GLIS3: variants seen among roughly 807,000 people sequenced by gnomAD.
GLIS3 encodes the protein GLIS family zinc finger 3, also known as zinc finger protein GLIS3.
In GLIS3, 53 loss-of-function variants were observed where a neutral mutation model predicts 78.6. That is an observed-to-expected ratio of 0.67 (90% confidence interval 0.54 to 0.85). GLIS3 has a LOEUF of 0.85. GLIS3 is among the 40% of genes least tolerant of loss of function. The pLI is 0.00. For synonymous variants in GLIS3, 684 were observed against 509.9 expected, an observed-to-expected ratio of 1.34 and a Z score of -4.60; for missense variants, 1,703 against 1,231.1, an observed-to-expected ratio of 1.38 and a Z score of -5.74.
chr9:3,867,986 G>A (rs1820711470), intron 8 of GLIS3, among the ~76,000 whole-genome samples: 1 of 152,064 alleles, frequency 6.6e-6, no homozygotes, highest in African/African-American at 2.4e-5. Flanking sequence ...CCCCCAGAGG[G>A]GACACTACCA....
intron 4 of GLIS3, among the ~76,000 whole-genome samples, chr9:4,008,992 TGA>T (rs1387359399): frequency 2.0e-5 from 3 of 152,170 alleles, no homozygotes; most frequent in Non-Finnish European, 4.4e-5. Flanking sequence ...CTGCAGTGCA[TGA>T]GAGAGATGCA....
At chr9:4,398,219 T>G in the GLIS3 span, among the ~76,000 whole-genome samples, 18 of 77,494 alleles carry the variant, frequency 2.3e-4, no homozygotes, top group Middle Eastern at 0.019. Flanking sequence ...CTGAGGCATA[T>G]TTTTTTTAAT....
At chr9:3,866,794 G>T (rs1563792757) in intron 8 of GLIS3, among the ~76,000 whole-genome samples, 1 of 152,206 alleles carries the variant, frequency 6.6e-6, no homozygotes, top group African/African-American at 2.4e-5. Flanking sequence ...CCAGGGAGAG[G>T]TGTGAACATA....
At chr9:4,396,228 T>C in the GLIS3 span, among the ~76,000 whole-genome samples, 1 of 152,142 alleles carries the variant, frequency 6.6e-6, no homozygotes, top group Admixed American at 6.5e-5. Flanking sequence ...TTCTTCTGCC[T>C]CAGCTTCCCA....
At chr9:4,105,412 A>G (rs1260687499) in intron 4 of GLIS3, among the ~76,000 whole-genome samples, 1 of 152,138 alleles carries the variant, frequency 6.6e-6, no homozygotes, top group African/African-American at 2.4e-5. Context: ...TTTGGAACAC[A>G]ATGGACTTTA....
chr9:4,050,657 T>C (rs1339580289), intron 4 of GLIS3, among the ~76,000 whole-genome samples: 1 of 152,184 alleles, frequency 6.6e-6, no homozygotes, highest in South Asian at 2.1e-4. Context: ...ATGTGGAGTA[T>C]ATATCTCTGT....
chr9:4,243,147 C>A (rs1369735535), intron 2 of GLIS3, among the ~76,000 whole-genome samples: 1 of 152,176 alleles, frequency 6.6e-6, no homozygotes, highest in Non-Finnish European at 1.5e-5. Context: ...CCTAGGGAGA[C>A]TGACACCTTA....
At chr9:4,460,868 A>G in the GLIS3 span, among the ~76,000 whole-genome samples, 1 of 152,194 alleles carries the variant, frequency 6.6e-6, no homozygotes. Flanking sequence ...TTTAACGCCA[A>G]ATGAGCCCAA....
chr9:4,464,531 A>G, the GLIS3 span, among the ~76,000 whole-genome samples: 1 of 151,986 alleles, frequency 6.6e-6, no homozygotes, highest in Non-Finnish European at 1.5e-5. Flanking sequence ...AGCAGCTGGG[A>G]TTACAAGTGC....
intron 2 of GLIS3, among the ~76,000 whole-genome samples, chr9:4,126,289 A>G (rs912994974): frequency 1.2e-4 from 18 of 152,194 alleles, no homozygotes; most frequent in African/African-American, 4.3e-4. Flanking sequence ...GTTTTTTCCT[A>G]GAATAGCTAA....
chr9:3,838,163 G>C (rs1349021725), intron 9 of GLIS3, among the ~76,000 whole-genome samples: 4 of 152,172 alleles, frequency 2.6e-5, no homozygotes, highest in East Asian at 1.9e-4. Context: ...ACCTTGTCCA[G>C]TTTGTTAATT....
the GLIS3 span, among the ~76,000 whole-genome samples, chr9:4,384,717 C>G: frequency 3.9e-5 from 6 of 152,136 alleles, no homozygotes; most frequent in African/African-American, 1.4e-4. Flanking sequence ...ATTCCATTTC[C>G]TTTTTAAAAA....
chr9:3,899,586 CATA>C (rs1227161032), intron 6 of GLIS3, among the ~76,000 whole-genome samples: 3 of 150,790 alleles, frequency 2.0e-5, no homozygotes, highest in African/African-American at 7.3e-5. Flanking sequence ...TGTACAAAAA[CATA>C]ATACCTTAAA....
chr9:4,304,040 A>G (rs939102707), upstream of GLIS3, among the ~76,000 whole-genome samples: 15 of 152,232 alleles, frequency 9.9e-5, no homozygotes, highest in Admixed American at 7.9e-4. Context: ...TGGCCTAGCA[A>G]TAGTACTGGG....
chr9:4,317,736 C>T (rs7035610), intron 2 of GLIS3, among the ~76,000 whole-genome samples: 25,425 of 152,188 alleles, frequency 0.17, 2,255 homozygotes, highest in South Asian at 0.26. Flanking sequence ...CAAGTTCCTA[C>T]TATGTGAAAC....
chr9:4,449,165 A>G, the GLIS3 span, among the ~76,000 whole-genome samples: 1 of 152,322 alleles, frequency 6.6e-6, no homozygotes, highest in South Asian at 2.1e-4. Flanking sequence ...CCAGGAGATT[A>G]TATACCATGC....
In GLIS3 at chr9:3,966,783, A is replaced by AT. The variant is rs576357397; in HGVS notation, c.1711-29595_1711-29594insA. Among the ~76,000 whole-genome samples, 16 of 151,866 alleles carry AT rather than the reference A, an allele frequency of 1.1e-4. No homozygotes were observed. In the East Asian group the frequency reaches 2.7e-3, roughly 26 times the overall value. On this transcript the variant is annotated intron_variant, in intron 4 of 10. Transcript: ENST00000381971. ...AGCCTGGGTGACAGACAAAAAAAAA[A>AT]CAAAAAACAAAAAACCCTTAAAACA... is the stretch of plus-strand genomic sequence containing the variant.
At chr9:4,042,582 T>G (rs114786604) in intron 4 of GLIS3, among the ~76,000 whole-genome samples, 65 of 152,252 alleles carry the variant, frequency 4.3e-4, no homozygotes, top group Non-Finnish European at 1.5e-4. Context: ...TTCCGAAGAT[T>G]TCCACACTGA....
chr9:4,280,086 C>G (rs1470159564), intron 2 of GLIS3, among the ~76,000 whole-genome samples: 1 of 152,210 alleles, frequency 6.6e-6, no homozygotes, highest in Non-Finnish European at 1.5e-5. Context: ...GTGGCACAAT[C>G]ATGGCTCACC....
Sources: gnomAD v4.1 joint callset for allele counts (sites outside exome capture counted in the v4.1 genomes callset) on GRCh38, gnomAD v4.1.1 for gene constraint, MANE v1.5 for transcripts, NCBI Gene and HGNC (gene_info 2026-07-23, HGNC 2026-07-21) for gene names.